Variants in SNRPC observed in about 807,000 individuals in gnomAD.
The protein encoded by SNRPC is U1 small nuclear ribonucleoprotein C.
In SNRPC, 5 loss-of-function variants were observed where a neutral mutation model predicts 20.0. The observed-to-expected ratio is 0.25, with a 90% CI of 0.13 to 0.53. The LOEUF is 0.53. Ranked by LOEUF, SNRPC falls within the 20% of genes least tolerant of loss-of-function variation. SNRPC has a pLI of 0.96. For synonymous variants in SNRPC, 61 were observed against 58.7 expected, an observed-to-expected ratio of 1.04 and a Z score of -0.18; for missense variants, 112 against 224.1, an observed-to-expected ratio of 0.50 and a Z score of 3.19.
At chr6:34,772,595 A>G (rs1764704506) in intron 5 of SNRPC, among the ~76,000 whole-genome samples, 1 of 152,212 alleles carries the variant, frequency 6.6e-6, no homozygotes, top group South Asian at 2.1e-4. Context: ...CAAACCTTTA[A>G]TCAAAATTAT....
chr6:34,772,400 CA>C (rs1420706096), intron 5 of SNRPC, among the ~76,000 whole-genome samples: 1 of 152,118 alleles, frequency 6.6e-6, no homozygotes, highest in Non-Finnish European at 1.5e-5. Flanking sequence ...AGAAATTCTT[CA>C]ATATAGGTTA....
chr6:34,763,906 G>A (rs1305467376), intron 3 of SNRPC, among the ~76,000 whole-genome samples: 3 of 148,796 alleles, frequency 2.0e-5, no homozygotes, highest in Admixed American at 1.3e-4. Flanking sequence ...TAGTAGAGAC[G>A]GGATTTCACC....
intron 2 of SNRPC, among the ~76,000 whole-genome samples, chr6:34,760,012 T>C (rs1326269074): frequency 6.6e-6 from 1 of 152,216 alleles, no homozygotes; most frequent in Non-Finnish European, 1.5e-5. Flanking sequence ...TGAAATTCTT[T>C]CTAACATATG....
chr6:34,773,354 G>GT lies in SNRPC; in HGVS notation c.356-86dup, dbSNP rs1764712397. 8.4e-7 allele frequency: 1 copy of GT among 1,185,340 alleles called. No homozygotes were observed. Among genetic ancestry groups the GT allele is most frequent in the African/African-American group, 1.5e-5 (1 of 65,346 alleles). The allele number at this position is 1,185,340 out of a possible 1,614,324, so 73.4% of individuals were successfully genotyped here. On this transcript the variant is annotated intron_variant, in intron 5 of 5. Transcript: ENST00000244520. The surrounding 1 kb of genome is among the most constrained non-coding windows in gnomAD (Gnocchi z 4.1). ...TCCAGCATTTTGCAAGGGGGGCTACGTTTTTTGTTTTTAATTGAAGTCCCA... is the reference window on the plus strand; with the variant it reads ...TCCAGCATTTTGCAAGGGGGGCTACGTTTTTTTGTTTTTAATTGAAGTCCCA...
intron 4 of SNRPC, among the ~76,000 whole-genome samples, chr6:34,769,212 C>A (rs374162014): frequency 1.6e-4 from 24 of 150,440 alleles, no homozygotes; most frequent in African/African-American, 5.2e-4. Context: ...TAATTTACCT[C>A]ACTATTTTCT....
chr6:34,771,695 C>T (rs1392508959), intron 5 of SNRPC, among the ~76,000 whole-genome samples: 1 of 152,206 alleles, frequency 6.6e-6, no homozygotes, highest in Non-Finnish European at 1.5e-5. Context: ...ACCTACAACT[C>T]TTCTGGAAAA....
At chr6:34,759,998 T>G (rs1764512819) in intron 2 of SNRPC, among the ~76,000 whole-genome samples, 1 of 152,216 alleles carries the variant, frequency 6.6e-6, no homozygotes, top group Admixed American at 6.5e-5. Flanking sequence ...ATTGTCACCT[T>G]ATTTGAAATT....
At chr6:34,761,811 G>C (rs1764541261) in intron 2 of SNRPC, among the ~76,000 whole-genome samples, 1 of 151,688 alleles carries the variant, frequency 6.6e-6, no homozygotes, top group African/African-American at 2.4e-5. Context: ...GCCCAGCCAG[G>C]AACAATTTTT....
intron 3 of SNRPC, among the ~76,000 whole-genome samples, chr6:34,766,763 T>C (rs984753246): frequency 1.3e-5 from 2 of 152,188 alleles, no homozygotes; most frequent in African/African-American, 4.8e-5. Flanking sequence ...ACAGGCTTTA[T>C]TCAGAGGCAT....
At position 34,773,678 on chromosome 6, in the gene SNRPC, G is replaced by GC; in HGVS notation, c.*109dup. ...TTTCTAAACAGCATAAGGAAGACTTGCTCCCCTGTCCTATGAAAGAGAATA... is the reference window on the plus strand; with the variant it reads ...TTTCTAAACAGCATAAGGAAGACTTGCCTCCCCTGTCCTATGAAAGAGAATA... On this transcript the variant is annotated 3_prime_UTR_variant, in exon 6 of 6. Coordinates refer to ENST00000244520, the MANE Select transcript of SNRPC (RefSeq NM_003093.3). The surrounding 1 kb of genome is among the most constrained non-coding windows in gnomAD (Gnocchi z 4.1). 1.0e-6 allele frequency: 1 copy of GC among 961,990 alleles called. No homozygotes were observed. Among genetic ancestry groups the GC allele is most frequent in the South Asian group, 1.7e-5 (1 of 57,216 alleles). The allele number at this position is 961,990 out of a possible 1,614,324, so 59.6% of individuals were successfully genotyped here. A position where few individuals can be genotyped will look rare whatever the true frequency, so the allele number is the denominator to read the frequency against.
chr6:34,759,380 C>T (rs543382718), intron 2 of SNRPC, among the ~76,000 whole-genome samples: 2 of 152,310 alleles, frequency 1.3e-5, no homozygotes, highest in South Asian at 2.1e-4. Context: ...TTGCTTGAGC[C>T]CAGGACTTCA....
At chr6:34,769,492 C>T (rs1581593214) in intron 4 of SNRPC, among the ~76,000 whole-genome samples, 1 of 152,032 alleles carries the variant, frequency 6.6e-6, no homozygotes, top group South Asian at 2.1e-4. Context: ...CACCCCCAGC[C>T]TACCTCACTA....
At chr6:34,759,459 A>G (rs888498776) in intron 2 of SNRPC, among the ~76,000 whole-genome samples, 2 of 152,220 alleles carry the variant, frequency 1.3e-5, no homozygotes, top group Admixed American at 6.5e-5. Context: ...AGAGCATCAT[A>G]TTTTGGCATG....
chr6:34,761,084 G>C (rs1213564146), intron 2 of SNRPC, among the ~76,000 whole-genome samples: 1 of 151,446 alleles, frequency 6.6e-6, no homozygotes, highest in Non-Finnish European at 1.5e-5. Context: ...AAAAAGAAAT[G>C]TGTAAAAACA....
chr6:34,758,318 T>C (rs1359551617), intron 2 of SNRPC, among the ~76,000 whole-genome samples: 3 of 151,950 alleles, frequency 2.0e-5, no homozygotes, highest in Non-Finnish European at 4.4e-5. Context: ...GTTTTGTTAG[T>C]ACTTTTTTTT....
chr6:34,758,890 C>T (rs1011263919), intron 2 of SNRPC, among the ~76,000 whole-genome samples: 7 of 151,528 alleles, frequency 4.6e-5, no homozygotes, highest in Non-Finnish European at 7.4e-5. Context: ...GGCGGGCGGG[C>T]GACTCTATAG....
At chr6:34,758,018 GT>G (rs748117940) in intron 2 of SNRPC, 64 bp downstream of exon 2, 54 of 1,542,768 alleles carry the variant, frequency 3.5e-5, no homozygotes, top group Non-Finnish European at 4.1e-5. Context: ...TGAGTTTTGT[GT>G]TTTTTTTAAG....
intron 2 of SNRPC, among the ~76,000 whole-genome samples, chr6:34,761,737 C>A (rs1387341357): frequency 6.6e-6 from 1 of 150,832 alleles, no homozygotes; most frequent in East Asian, 2.0e-4. Context: ...TGGTCTCGAT[C>A]TGACCTTGTG....
chr6:34,765,057 T>G (rs1764596427), intron 3 of SNRPC, among the ~76,000 whole-genome samples: 1 of 152,150 alleles, frequency 6.6e-6, no homozygotes, highest in Non-Finnish European at 1.5e-5. Context: ...AACCTCCCAT[T>G]CTGAATTTCC....
Sources: allele counts gnomAD v4.1 joint callset (sites outside exome capture counted in the v4.1 genomes callset), GRCh38; gene constraint gnomAD v4.1.1; non-coding constraint Gnocchi (gnomAD v3.1); transcripts MANE v1.5; gene names NCBI Gene and HGNC (gene_info 2026-07-23, HGNC 2026-07-21).